Variants in PTGER3 observed in about 807,000 individuals in gnomAD.
The protein encoded by PTGER3 is prostaglandin E2 receptor EP3 subtype.
In PTGER3, 22 loss-of-function variants were observed where a neutral mutation model predicts 34.7. The ratio of observed to expected loss-of-function variants is 0.63; its 90% CI spans 0.45 to 0.91. PTGER3 has a LOEUF of 0.91. Among genes scored for constraint, PTGER3 ranks in the 40% least tolerant of loss-of-function variants. The probability of loss-of-function intolerance (pLI) is 0.00; values close to 1 mark genes in which losing one functional copy is unlikely to be tolerated. For missense variants in PTGER3, 468 were observed against 519.4 expected, an observed-to-expected ratio of 0.90 and a Z score of 0.96; for synonymous variants, 241 against 230.1, an observed-to-expected ratio of 1.05 and a Z score of -0.43.
chr1:70,982,351 C>A (rs1654462563), intron 2 of PTGER3, among the ~76,000 whole-genome samples: 1 of 152,120 alleles, frequency 6.6e-6, no homozygotes, highest in South Asian at 2.1e-4. Flanking sequence ...ATTCCACCCC[C>A]CAGGCTGTTG....
intron 4 of PTGER3, among the ~76,000 whole-genome samples, chr1:70,898,488 A>G (rs1646770018): frequency 1.3e-5 from 2 of 152,238 alleles, no homozygotes; most frequent in Admixed American, 1.3e-4. Flanking sequence ...CTTGACCACC[A>G]GTCTTCCATC....
chr1:70,919,789 G>C (rs747320013), intron 4 of PTGER3, among the ~76,000 whole-genome samples: 2 of 152,098 alleles, frequency 1.3e-5, no homozygotes, highest in African/African-American at 2.4e-5. Flanking sequence ...GTAGTAGAGA[G>C]GAAAATCATT....
chr1:71,035,425 TG>T (rs912124723), intron 1 of PTGER3, among the ~76,000 whole-genome samples: 1 of 152,262 alleles, frequency 6.6e-6, no homozygotes, highest in Non-Finnish European at 1.5e-5. Context: ...GTGGTGCATC[TG>T]CACAGATCCA....
downstream of PTGER3, among the ~76,000 whole-genome samples, chr1:70,969,102 G>A (rs551454448): frequency 3.9e-5 from 6 of 152,106 alleles, no homozygotes; most frequent in Middle Eastern, 3.4e-3. Flanking sequence ...AGCTACTCAG[G>A]ACGCTGAAGC....
intron 2 of PTGER3, chr1:71,002,313 T>G (rs1464936565): frequency 6.6e-6 from 1 of 152,186 alleles, no homozygotes; most frequent in Non-Finnish European, 1.5e-5. Flanking sequence ...AACAATCTTA[T>G]GCTGATAAGA....
chr1:71,011,926 A>G, intron 2 of PTGER3: 1 of 1,207,992 alleles, frequency 8.3e-7, no homozygotes, highest in Non-Finnish European at 1.0e-6. Context: ...TCCCCAATAG[A>G]CCAAGATCAT....
chr1:70,926,011 G>T (rs7538034), intron 4 of PTGER3, among the ~76,000 whole-genome samples: 26,536 of 152,064 alleles, frequency 0.17, 2,923 homozygotes, highest in East Asian at 0.31. Context: ...TTAGGCAAAG[G>T]ATGTCACTGA....
At chr1:70,860,164 CT>C (rs1468406193) in intron 4 of PTGER3, among the ~76,000 whole-genome samples, 5 of 151,564 alleles carry the variant, frequency 3.3e-5, no homozygotes, top group Admixed American at 6.6e-5. Flanking sequence ...AAAAATGGCT[CT>C]TAAACTAGAA....
At chr1:70,996,443 A>G (rs1252378309) in intron 2 of PTGER3, among the ~76,000 whole-genome samples, 1 of 151,832 alleles carries the variant, frequency 6.6e-6, no homozygotes, top group African/African-American at 2.4e-5. Flanking sequence ...ATCTTCCCTA[A>G]ACATTTACTG....
chr1:71,045,596 A>G (rs551398609), intron 1 of PTGER3, among the ~76,000 whole-genome samples: 1 of 152,272 alleles, frequency 6.6e-6, no homozygotes, highest in South Asian at 2.1e-4. Flanking sequence ...AAACCTCAAA[A>G]ATATCACGTA....
At position 70,852,613 on chromosome 1, in the gene PTGER3, A is replaced by G. The variant is rs556871130; in HGVS notation, c.*270T>C. 3 of 590,908 alleles carry G rather than the reference A, an allele frequency of 5.1e-6. No individual in the cohort carries two copies. In the South Asian group the frequency reaches 6.6e-5, roughly 13 times the overall value. The allele number at this position is 590,908 out of a possible 1,614,324, so 36.6% of individuals were successfully genotyped here. On this transcript the variant is annotated 3_prime_UTR_variant, in exon 5 of 5. Coordinates refer to the PTGER3 transcript ENST00000370931. ...TACGCAAATATAAATTCACAAAACA[A>G]TAGGACATAAGTTTAATTGATGTAT...
At chr1:70,858,972 A>G (rs1400314967) in intron 4 of PTGER3, among the ~76,000 whole-genome samples, 4 of 152,252 alleles carry the variant, frequency 2.6e-5, no homozygotes, top group Non-Finnish European at 5.9e-5. Context: ...TGAAACTTCA[A>G]TAAGGTGTTA....
intron 2 of PTGER3, among the ~76,000 whole-genome samples, chr1:70,989,249 A>G (rs1481590476): frequency 1.3e-5 from 2 of 152,210 alleles, no homozygotes; most frequent in Admixed American, 1.3e-4. Context: ...AAGCTTGGTT[A>G]TAAGGATAAT....
At chr1:70,960,065 A>G (rs1175900786) in intron 2 of PTGER3, among the ~76,000 whole-genome samples, 1 of 152,162 alleles carries the variant, frequency 6.6e-6, no homozygotes, top group Non-Finnish European at 1.5e-5. Context: ...ATGCATCTAC[A>G]AACCAAGAAA....
chr1:70,955,406 C>T (rs1171002967), intron 2 of PTGER3, among the ~76,000 whole-genome samples: 1 of 152,112 alleles, frequency 6.6e-6, no homozygotes, highest in Non-Finnish European at 1.5e-5. Context: ...TAACCTGATT[C>T]TTATTCCCAA....
At chr1:70,939,627 C>T (rs1649570699) in intron 4 of PTGER3, among the ~76,000 whole-genome samples, 1 of 152,266 alleles carries the variant, frequency 6.6e-6, no homozygotes, top group East Asian at 1.9e-4. Context: ...TGTGCACCCA[C>T]AGGCTCAACA....
In PTGER3 at chr1:70,971,595, C is replaced by A; in HGVS notation, c.*135G>T. On this transcript the variant is annotated 3_prime_UTR_variant, in exon 4 of 4. Transcript: ENST00000306666. ...ATCTCCATGGGTATTACTGACAAAA[C>A]AATCATTAAAATAAAAAGATAAAAA... 1 of 1,349,696 alleles carries A rather than the reference C, an allele frequency of 7.4e-7. No individual in the cohort carries two copies. The highest frequency in any genetic ancestry group is 1.5e-5 in the African/African-American group (1 of 65,388). 83.6% of individuals were successfully genotyped at this position (1,349,696 alleles called of 1,614,324 possible). A position where few individuals can be genotyped will look rare whatever the true frequency, so the allele number is the denominator to read the frequency against.
chr1:71,001,040 T>C (rs532865258), intron 2 of PTGER3, among the ~76,000 whole-genome samples: 2 of 152,178 alleles, frequency 1.3e-5, no homozygotes, highest in South Asian at 4.1e-4. Flanking sequence ...AGAAAAAACA[T>C]TGAAAAAATA....
chr1:70,934,560 A>G (rs186365868), intron 4 of PTGER3, among the ~76,000 whole-genome samples: 1 of 152,296 alleles, frequency 6.6e-6, no homozygotes, highest in Non-Finnish European at 1.5e-5. Flanking sequence ...CATATCAGTG[A>G]AAGTGGCCTG....
Sources: allele counts gnomAD v4.1 joint callset (sites outside exome capture counted in the v4.1 genomes callset), GRCh38; gene constraint gnomAD v4.1.1; transcripts MANE v1.5; gene names NCBI Gene and HGNC (gene_info 2026-07-23, HGNC 2026-07-21).